The following COBL variants were observed in gnomAD, a reference collection of about 807,000 sequenced individuals.
COBL encodes the protein protein cordon-bleu.
A neutral mutation model predicts 98.8 loss-of-function variants in COBL; 51 were observed. The observed-to-expected ratio is 0.52, with a 90% confidence interval of 0.41 to 0.65. COBL has a LOEUF of 0.65. Ranked by LOEUF, COBL falls within the 30% of genes least tolerant of loss-of-function variation. The probability of loss-of-function intolerance (pLI) is 0.00; values close to 1 mark genes in which losing one functional copy is unlikely to be tolerated. For synonymous variants in COBL, 634 were observed against 651.7 expected (o/e 0.97, Z 0.41); for missense variants, 1,617 against 1,617.5 (o/e 1.00, Z 0.01).
At chr7:51,075,051 T>C (rs574485544) in intron 7 of COBL, among the ~76,000 whole-genome samples, 1 of 152,324 alleles carries the variant, frequency 6.6e-6, no homozygotes, top group East Asian at 1.9e-4. Context: ...GACAGTAAGA[T>C]GAGAATAAAA....
chr7:51,101,961 C>A (rs564098636), intron 6 of COBL, among the ~76,000 whole-genome samples: 3 of 152,054 alleles, frequency 2.0e-5, no homozygotes, highest in Non-Finnish European at 2.9e-5. Context: ...GTTGGTGAAG[C>A]CTTCATGAAT....
At chr7:51,237,538 T>TA (rs5884200) in intron 1 of COBL, among the ~76,000 whole-genome samples, 39,237 of 132,570 alleles carry the variant, frequency 0.3, 7,156 homozygotes, top group East Asian at 0.7. Context: ...TTTTTTTTCT[T>TA]AAAAAAAAAA....
rs143480516 is a variant in COBL at position 51,313,547 on chromosome 7, G to C, written c.41+3046C>G. On this transcript the variant is annotated intron_variant, in intron 1 of 12. Transcript: ENST00000265136. ...TGATTTTTACATGAGCAAACTGCTT[G>C]AATACAGCCATTGATCAAATGCACC... 1.1e-4 allele frequency among the ~76,000 whole-genome samples: 17 copies of C among 152,300 alleles called. No individual in the cohort carries two copies. The East Asian group carries it at 3.3e-3, about 29-fold the overall frequency.
rs78473658 is a variant in COBL, at chr7:51,203,068, G to A, written c.246-9479C>T. Among the ~76,000 whole-genome samples, 793 of 150,588 alleles carry A rather than the reference G, an allele frequency of 5.3e-3. 48 individuals carry two copies. The East Asian group carries it at 0.13, about 25-fold the overall frequency. ...AAAATAAGAATAATGAGGAGGAGGA[G>A]GAGGAAGATCTCAAATAAACAACCT... On this transcript the variant is annotated intron_variant, in intron 2 of 12. Transcript: ENST00000265136.
Position 51,028,208 on chromosome 7 carries a change from G to C in COBL, c.2888C>G (p.Thr963Ser). 1 of 1,614,224 alleles carries C rather than the reference G, an allele frequency of 6.2e-7. No individual in the cohort carries two copies. The highest frequency in any genetic ancestry group is 2.2e-5 in the East Asian group (1 of 44,880). ...EVIGPHRKLS[T>S]QDRPAAIHRS... ...GTGGATAGCAGCAGGTCTGTCCTGAGTAGACAACTTCCTGTGTGGGCCAAT... is the reference window on the plus strand; with the variant it reads ...GTGGATAGCAGCAGGTCTGTCCTGACTAGACAACTTCCTGTGTGGGCCAAT... Residue 963 changes from threonine to serine, a missense_variant, in exon 10 of 13, where the codon ACT becomes AGT. Thr to Ser is a moderately conservative substitution (Grantham distance 58). Around this residue, in one of 3 missense-constraint regions of COBL, gnomAD observed 1,304 missense variants for 1,282.0 expected, o/e 1.02. Transcript: ENST00000265136.
At chr7:51,106,850 A>G (rs1017680410) in intron 6 of COBL, among the ~76,000 whole-genome samples, 1 of 135,884 alleles carries the variant, frequency 7.4e-6, no homozygotes, top group African/African-American at 2.7e-5. Context: ...ATGAGGAGAA[A>G]CAAAAGTTGC....
chr7:51,246,683 T>C (rs1050012943), intron 1 of COBL, among the ~76,000 whole-genome samples: 1 of 152,224 alleles, frequency 6.6e-6, no homozygotes, highest in Non-Finnish European at 1.5e-5. Context: ...ATAATGTTTA[T>C]GAAGAAAGAG....
chr7:51,286,240 TAA>T (rs552758543), intron 1 of COBL, among the ~76,000 whole-genome samples: 12 of 132,490 alleles, frequency 9.1e-5, no homozygotes, highest in African/African-American at 1.9e-4. Flanking sequence ...GCATAAAGTT[TAA>T]AAAAAAAAAA....
intron 4 of COBL, among the ~76,000 whole-genome samples, chr7:51,185,482 G>C (rs966433918): frequency 2.0e-5 from 3 of 152,174 alleles, no homozygotes; most frequent in African/African-American, 7.2e-5. Flanking sequence ...CATCAAGCAC[G>C]CAGACGGCAC....
At chr7:51,290,846 T>C (rs1800829985) in intron 1 of COBL, among the ~76,000 whole-genome samples, 4 of 152,116 alleles carry the variant, frequency 2.6e-5, no homozygotes, top group Admixed American at 2.6e-4. Flanking sequence ...CCAGTGCCAC[T>C]CCCTGAAGCA....
At chr7:51,050,230 A>C in intron 7 of COBL, among the ~76,000 whole-genome samples, 1 of 152,332 alleles carries the variant, frequency 6.6e-6, no homozygotes, top group East Asian at 1.9e-4. Flanking sequence ...TTAAGAGTCA[A>C]GTGATGTATT....
rs879512405 is a variant in COBL, at chr7:51,282,819, T to TA, written c.41+33773dup. Among the ~76,000 whole-genome samples, 282 of 141,842 alleles carry TA rather than the reference T, an allele frequency of 2.0e-3. 1 individual carries two copies. Among genetic ancestry groups the TA allele is most frequent in the South Asian group, 7.3e-3 (33 of 4,518 alleles). The allele number at this position is 141,842 out of a possible 152,430, so 93.1% of individuals were successfully genotyped here. A position where few individuals can be genotyped will look rare whatever the true frequency, so the allele number is the denominator to read the frequency against. Reference sequence around the variant, plus strand: ...GACATAAAACAAACCTTACCAAATATAAAAAAAAAAAATTACAAGGCATAC... The same window carrying TA: ...GACATAAAACAAACCTTACCAAATATAAAAAAAAAAAAATTACAAGGCATAC... On this transcript the variant is annotated intron_variant, in intron 1 of 12. Transcript: ENST00000265136.
At chr7:51,084,869 G>A (rs765944006) in intron 7 of COBL, among the ~76,000 whole-genome samples, 4 of 152,026 alleles carry the variant, frequency 2.6e-5, no homozygotes, top group African/African-American at 4.8e-5. Flanking sequence ...AGAGACACAC[G>A]TCGCACACTC....
intron 1 of COBL, among the ~76,000 whole-genome samples, chr7:51,308,821 C>T (rs761567839): frequency 5.3e-5 from 8 of 152,194 alleles, no homozygotes; most frequent in Non-Finnish European, 7.3e-5. Flanking sequence ...ACAGAGACAT[C>T]ATAAAAAGCA....
At chr7:51,196,633 G>A (rs533136437) in intron 2 of COBL, among the ~76,000 whole-genome samples, 2 of 151,936 alleles carry the variant, frequency 1.3e-5, no homozygotes, top group African/African-American at 2.4e-5. Flanking sequence ...CTGTGAATCC[G>A]TTTGCTCCTG....
intron 5 of COBL, among the ~76,000 whole-genome samples, chr7:51,182,203 A>G (rs957062307): frequency 2.0e-5 from 3 of 152,054 alleles, no homozygotes; most frequent in Non-Finnish European, 4.4e-5. Context: ...CAGCCAACTT[A>G]TCTCAAAAAC....
At position 51,284,082 on chromosome 7, in the gene COBL, G is replaced by C. The variant is rs139752364; in HGVS notation, c.41+32511C>G. On this transcript the variant is annotated intron_variant, in intron 1 of 12. Coordinates refer to ENST00000265136, the MANE Select transcript of COBL (RefSeq NM_015198.5). ...GGGCGGATCACAAAGTCAGGAGATC[G>C]AGACCATCCTGGCTAACAGAGTGAA... Among the ~76,000 whole-genome samples the C allele has an allele frequency of 8.0e-3, 1,115 of 139,904 alleles. 57 individuals carry two copies. In the South Asian group the frequency reaches 0.14, roughly 17 times the overall value. The allele number at this position is 139,904 out of a possible 152,430, so 91.8% of individuals were successfully genotyped here. A position where few individuals can be genotyped will look rare whatever the true frequency, so the allele number is the denominator to read the frequency against.
chr7:51,227,268 T>C (rs1794298602), intron 1 of COBL, among the ~76,000 whole-genome samples: 1 of 152,138 alleles, frequency 6.6e-6, no homozygotes, highest in African/African-American at 2.4e-5. Flanking sequence ...CTTCCTTCAG[T>C]GCTCAAGGTT....
At chr7:51,192,109 T>C (rs760528684) in intron 3 of COBL, among the ~76,000 whole-genome samples, 1 of 152,174 alleles carries the variant, frequency 6.6e-6, no homozygotes, top group Non-Finnish European at 1.5e-5. Context: ...CACTGTTTAC[T>C]TGAGGAATAA....
Sources: allele counts gnomAD v4.1 joint callset (sites outside exome capture counted in the v4.1 genomes callset), GRCh38; gene constraint gnomAD v4.1.1; regional missense constraint gnomAD v4.1.1; transcripts MANE v1.5; gene names NCBI Gene and HGNC (gene_info 2026-07-23, HGNC 2026-07-21).